Variants in TTC6 observed in about 807,000 individuals in gnomAD.
The protein encoded by TTC6 is tetratricopeptide repeat domain 6.
In TTC6, 172 loss-of-function variants were observed where a neutral mutation model predicts 210.4. The ratio of observed to expected loss-of-function variants is 0.82; its 90% CI spans 0.72 to 0.93. The LOEUF (loss-of-function observed/expected upper bound fraction) is 0.93, where lower values mean the gene tolerates loss of function less well. Among genes scored for constraint, TTC6 ranks in the 40% least tolerant of loss-of-function variants. The pLI is 0.00. For synonymous variants in TTC6, 804 were observed against 819.6 expected, an observed-to-expected ratio of 0.98 and a Z score of 0.32; for missense variants, 2,414 against 2,318.1, an observed-to-expected ratio of 1.04 and a Z score of -0.85.
chr14:37,709,837 A>G (rs12889655), intron 5 of TTC6, among the ~76,000 whole-genome samples: 8,719 of 152,206 alleles, frequency 0.057, 384 homozygotes, highest in Non-Finnish European at 0.09. Flanking sequence ...AAAAAATTAT[A>G]AAGGACTAAA....
intron 14 of TTC6, among the ~76,000 whole-genome samples, chr14:37,777,521 G>C (rs2096041419): frequency 6.6e-6 from 1 of 151,934 alleles, no homozygotes; most frequent in East Asian, 1.9e-4. Context: ...GTATTCCTTA[G>C]AATCCTTGGT....
chr14:37,656,996 G>C (rs1049278848), intron 1 of TTC6, among the ~76,000 whole-genome samples: 2 of 152,056 alleles, frequency 1.3e-5, no homozygotes, highest in African/African-American at 4.8e-5. Flanking sequence ...GATCACCTGA[G>C]GTCAGGCGTT....
intron 14 of TTC6, among the ~76,000 whole-genome samples, chr14:37,779,026 C>A (rs1204070663): frequency 2.6e-5 from 4 of 152,184 alleles, no homozygotes; most frequent in African/African-American, 9.7e-5. Flanking sequence ...TTTGCCCCAC[C>A]ACCTTTCTAA....
At chr14:37,777,770 GTT>G (rs71127243) in intron 14 of TTC6, among the ~76,000 whole-genome samples, 1,507 of 136,370 alleles carry the variant, frequency 0.011, 18 homozygotes, top group South Asian at 0.028. Flanking sequence ...CTTCGTGTAG[GTT>G]TTTTTTTTTT....
intron 2 of TTC6, among the ~76,000 whole-genome samples, chr14:37,611,100 G>A (rs529834123): frequency 3.3e-5 from 5 of 152,358 alleles, no homozygotes; most frequent in Admixed American, 2.6e-4. Context: ...GTCCGAGGCT[G>A]CCCCGGAGCG....
intron 16 of TTC6, among the ~76,000 whole-genome samples, chr14:37,791,633 G>C (rs2096079587): frequency 6.6e-6 from 1 of 152,150 alleles, no homozygotes; most frequent in African/African-American, 2.4e-5. Context: ...CAGTTTCAAA[G>C]AGACAGAAAA....
intron 1 of TTC6, among the ~76,000 whole-genome samples, chr14:37,657,763 A>G (rs1465104711): frequency 2.0e-5 from 3 of 152,192 alleles, no homozygotes; most frequent in Admixed American, 2.0e-4. Context: ...GAAGATGCCA[A>G]TTTATCTTGT....
At chr14:37,733,505 T>C (rs890027558) in intron 7 of TTC6, among the ~76,000 whole-genome samples, 11 of 152,208 alleles carry the variant, frequency 7.2e-5, no homozygotes, top group Non-Finnish European at 1.5e-4. Context: ...GAGTATAATA[T>C]ATTGGCAGAT....
chr14:37,678,123 C>T lies in TTC6; in HGVS notation c.940-2028C>T, dbSNP rs80197702. On this transcript the variant is annotated intron_variant, in intron 1 of 30. Coordinates refer to ENST00000553443, the Ensembl canonical transcript of TTC6. ...ATTTTACATTGGGTTTTACTGACTTCCTTTAAAGAGTGTTGGAGTTTGTTC... is the reference window on the plus strand; with the variant it reads ...ATTTTACATTGGGTTTTACTGACTTTCTTTAAAGAGTGTTGGAGTTTGTTC... 1.9e-4 allele frequency among the ~76,000 whole-genome samples: 29 copies of T among 152,084 alleles called. No individual in the cohort carries two copies. The South Asian group carries it at 5.8e-3, about 30-fold the overall frequency.
chr14:37,674,485 G>A (rs551039291), intron 1 of TTC6, among the ~76,000 whole-genome samples: 1 of 152,054 alleles, frequency 6.6e-6, no homozygotes, highest in Non-Finnish European at 1.5e-5. Context: ...TTGTTTGCAT[G>A]TATTATATCA....
chr14:37,686,855 A>G (rs1009131041), intron 3 of TTC6, among the ~76,000 whole-genome samples: 1 of 152,158 alleles, frequency 6.6e-6, no homozygotes, highest in Non-Finnish European at 1.5e-5. Flanking sequence ...ACAATTCAAG[A>G]TGAGATTTGG....
exon 15 of TTC6, chr14:37,787,564 A>G (rs12878846): frequency 0.044 from 67,107 of 1,530,178 alleles, 1,759 homozygotes; most frequent in Non-Finnish European, 0.049. Flanking sequence ...ATAACTGGTT[A>G]GCGTTGTATT....
At chr14:37,709,220 G>A (rs1209809253) in intron 5 of TTC6, among the ~76,000 whole-genome samples, 2 of 151,956 alleles carry the variant, frequency 1.3e-5, no homozygotes, top group African/African-American at 2.4e-5. Flanking sequence ...TGTGTGAGTT[G>A]GTGATACATG....
At chr14:37,796,652 T>C in intron 19 of TTC6, 135 bp from the exon 22 acceptor site, 2 of 831,680 alleles carry the variant, frequency 2.4e-6, no homozygotes, top group Non-Finnish European at 3.5e-6. Context: ...CTTACTATGA[T>C]TTGTTAATTT....
chr14:37,748,872 T>C (rs868076152), intron 10 of TTC6, 67 bp from the exon 13 acceptor site: 1 of 1,269,584 alleles, frequency 7.9e-7, no homozygotes, highest in African/African-American at 1.5e-5. Flanking sequence ...TGTGGCTGAG[T>C]TGATTTACTG....
chr14:37,721,958 C>T (rs970643141), intron 6 of TTC6, among the ~76,000 whole-genome samples: 1 of 147,012 alleles, frequency 6.8e-6, no homozygotes, highest in African/African-American at 2.5e-5. Flanking sequence ...CCCCTCAGTG[C>T]AAATGTTAAC....
At chr14:37,780,916 A>G (rs1159959980) in intron 14 of TTC6, among the ~76,000 whole-genome samples, 2 of 152,134 alleles carry the variant, frequency 1.3e-5, no homozygotes, top group East Asian at 1.9e-4. Flanking sequence ...GCTAAGAACG[A>G]TGATTTCCAG....
At chr14:37,684,062 A>G (rs2095789471) in intron 3 of TTC6, among the ~76,000 whole-genome samples, 1 of 151,620 alleles carries the variant, frequency 6.6e-6, no homozygotes, top group South Asian at 2.1e-4. Context: ...TCATTCTTCA[A>G]TTTTTGCCCG....
At chr14:37,633,355 C>G (rs145610687) in intron 1 of TTC6, among the ~76,000 whole-genome samples, 1 of 152,202 alleles carries the variant, frequency 6.6e-6, no homozygotes, top group Non-Finnish European at 1.5e-5. Flanking sequence ...CAGTCCCTCA[C>G]GGCTTCCCTT....
Sources: allele counts gnomAD v4.1 joint callset (sites outside exome capture counted in the v4.1 genomes callset), GRCh38; gene constraint gnomAD v4.1.1; transcripts MANE v1.5; gene names NCBI Gene and HGNC (gene_info 2026-07-23, HGNC 2026-07-21).